Variants in PRKCB observed in about 807,000 individuals in gnomAD.
PRKCB encodes protein kinase C beta type.
PRKCB carries 13 observed loss-of-function variants against 81.5 expected under a neutral mutation model. The observed-to-expected ratio is 0.16, with a 90% CI of 0.10 to 0.25. The LOEUF is 0.25. PRKCB is among the 10% of genes least tolerant of loss of function. The pLI is 1.00. For synonymous variants in PRKCB, 335 were observed against 321.4 expected, an observed-to-expected ratio of 1.04 and a Z score of -0.45; for missense variants, 509 against 875.7, an observed-to-expected ratio of 0.58 and a Z score of 5.29.
At chr16:23,872,436 G>A (rs551797018) in intron 2 of PRKCB, among the ~76,000 whole-genome samples, 134 of 152,258 alleles carry the variant, frequency 8.8e-4, no homozygotes, top group African/African-American at 3.1e-3. Context: ...TGGGAGGATC[G>A]CTTGAGCTCA....
At chr16:24,178,452 A>G (rs931519285) in intron 12 of PRKCB, among the ~76,000 whole-genome samples, 4 of 152,246 alleles carry the variant, frequency 2.6e-5, no homozygotes, top group African/African-American at 9.6e-5. Flanking sequence ...CTTCTTTTCT[A>G]TAATAGATGA....
chr16:24,201,897 G>A (rs545507435), intron 16 of PRKCB, among the ~76,000 whole-genome samples: 34 of 152,082 alleles, frequency 2.2e-4, no homozygotes, highest in Middle Eastern at 3.4e-3. Flanking sequence ...TTAGCTGGGC[G>A]CGGTGGCGGG....
intron 15 of PRKCB, among the ~76,000 whole-genome samples, chr16:24,187,789 C>T (rs898324783): frequency 4.6e-5 from 7 of 152,336 alleles, no homozygotes; most frequent in Admixed American, 6.5e-5. Context: ...AGGGATCCTC[C>T]TGCCTCTGCC....
At chr16:24,115,244 C>G (rs1026540553) in intron 8 of PRKCB, among the ~76,000 whole-genome samples, 1 of 145,424 alleles carries the variant, frequency 6.9e-6, no homozygotes, top group African/African-American at 2.5e-5. Context: ...AGCATTTATC[C>G]CAAGAGTATT....
rs534592546 is a variant in PRKCB, at chr16:24,077,963, C to T, written c.530-14828C>T. On this transcript the variant is annotated intron_variant, in intron 5 of 16. Coordinates refer to ENST00000643927, the MANE Select transcript of PRKCB (RefSeq NM_002738.7). The stretch of plus-strand genomic sequence containing the variant: ...TTTCTCTAGAGAAGGGAAGTAAACC[C>T]GCCTTCCTCAGAGCTGGGAAGGCTT... Among the ~76,000 whole-genome samples the T allele has an allele frequency of 5.3e-5, 8 of 152,234 alleles. No individual in the cohort carries two copies. In the South Asian group the frequency reaches 6.2e-4, roughly 12 times the overall value.
chr16:23,902,462 G>A (rs548370713), intron 2 of PRKCB, among the ~76,000 whole-genome samples: 3 of 151,900 alleles, frequency 2.0e-5, no homozygotes, highest in Admixed American at 6.6e-5. Flanking sequence ...ATTCTGTACC[G>A]AGCTCTATTC....
chr16:24,067,251 T>C (rs990493762), intron 5 of PRKCB, among the ~76,000 whole-genome samples: 21 of 152,230 alleles, frequency 1.4e-4, no homozygotes, highest in African/African-American at 5.1e-4. Flanking sequence ...TTAAAGTTCA[T>C]GTTTGATAAT....
rs370318979 is a variant in PRKCB, at chr16:23,899,603, ACTCTCTCTCT to A, written c.205+62230_205+62239del. On this transcript the variant is annotated intron_variant, in intron 2 of 16. Transcript: ENST00000643927. ...CATTTGTAATTACTTATCCATAAGA[ACTCTCTCTCT>A]CTCTCTCTCTCTCTCTCTCTCTCTC... is the stretch of plus-strand genomic sequence containing the variant. Among the ~76,000 whole-genome samples the A allele has an allele frequency of 9.1e-3, 417 of 45,596 alleles. 86 individuals carry two copies. The highest frequency in any genetic ancestry group is 0.027 in the African/African-American group (392 of 14,624). The allele number at this position is 45,596 out of a possible 152,430, so 29.9% of individuals were successfully genotyped here.
intron 13 of PRKCB, among the ~76,000 whole-genome samples, chr16:24,184,478 G>GA (rs1011223956): frequency 4.0e-5 from 6 of 151,146 alleles, no homozygotes; most frequent in Admixed American, 6.6e-5. Context: ...AAGAAAAAAA[G>GA]AAAAAAAATC....
chr16:24,193,473 A>AAATG (rs1967829254), intron 16 of PRKCB, among the ~76,000 whole-genome samples: 1 of 127,128 alleles, frequency 7.9e-6, no homozygotes, highest in Non-Finnish European at 1.8e-5. Context: ...ATAAATAAAT[A>AAATG]AATAAATAAA....
intron 10 of PRKCB, among the ~76,000 whole-genome samples, chr16:24,167,745 C>T (rs1304810330): frequency 1.3e-5 from 2 of 152,166 alleles, no homozygotes; most frequent in Non-Finnish European, 2.9e-5. Flanking sequence ...AAGATGTACC[C>T]ACTGGAGGCA....
chr16:24,021,103 C>CTTTT (rs1965377111), intron 3 of PRKCB, among the ~76,000 whole-genome samples: 1 of 119,602 alleles, frequency 8.4e-6, no homozygotes, highest in African/African-American at 3.4e-5. Context: ...TTCTTTCTTT[C>CTTTT]TTTCCTTCTC....
chr16:24,047,575 C>T (rs143323368), intron 5 of PRKCB, among the ~76,000 whole-genome samples: 231 of 151,928 alleles, frequency 1.5e-3, no homozygotes, highest in African/African-American at 5.0e-3. Flanking sequence ...CGCCTCTAGT[C>T]CCTAAGGCAG....
chr16:23,902,737 CCTT>C (rs1963496301), intron 2 of PRKCB, among the ~76,000 whole-genome samples: 1 of 19,120 alleles, frequency 5.2e-5, no homozygotes, highest in East Asian at 3.5e-3. Flanking sequence ...TTCCTCCCTT[CCTT>C]CCTTCCTTCC....
intron 2 of PRKCB, among the ~76,000 whole-genome samples, chr16:23,901,163 C>T (rs1349413604): frequency 6.6e-6 from 1 of 152,246 alleles, no homozygotes; most frequent in East Asian, 1.9e-4. Context: ...TTGTGTCTGT[C>T]ATCCTGGGGC....
At chr16:24,154,287 G>A (rs1442842628) in intron 9 of PRKCB, among the ~76,000 whole-genome samples, 1 of 152,020 alleles carries the variant, frequency 6.6e-6, no homozygotes, top group African/African-American at 2.4e-5. Context: ...TACCAGCCTG[G>A]GCAACATAGT....
chr16:24,131,495 C>T (rs1215431803), intron 9 of PRKCB, among the ~76,000 whole-genome samples: 1 of 152,230 alleles, frequency 6.6e-6, no homozygotes, highest in Non-Finnish European at 1.5e-5. Context: ...AAATTCAGAC[C>T]GTACAACAGA....
chr16:23,848,927 G>T (rs1239798161), intron 2 of PRKCB, among the ~76,000 whole-genome samples: 2 of 152,152 alleles, frequency 1.3e-5, no homozygotes, highest in African/African-American at 4.8e-5. Context: ...TTATAATCCT[G>T]TTGGGGAGGC....
At chr16:24,166,786 C>T (rs1967353806) in intron 10 of PRKCB, among the ~76,000 whole-genome samples, 1 of 152,132 alleles carries the variant, frequency 6.6e-6, no homozygotes, top group African/African-American at 2.4e-5. Flanking sequence ...AGTGAGATGC[C>T]AACCGTAACA....
Sources: allele counts gnomAD v4.1 joint callset (sites outside exome capture counted in the v4.1 genomes callset), GRCh38; gene constraint gnomAD v4.1.1; transcripts MANE v1.5; gene names NCBI Gene and HGNC (gene_info 2026-07-23, HGNC 2026-07-21).